The following CDH7 variants were observed in gnomAD, a reference collection of about 807,000 sequenced individuals.
CDH7 encodes the protein cadherin-7.
In CDH7, 25 loss-of-function variants were observed where a neutral mutation model predicts 71.8. That is an observed-to-expected ratio of 0.35 (90% CI 0.25 to 0.49). CDH7 has a LOEUF of 0.49. Ranked by LOEUF, CDH7 falls within the 20% of genes least tolerant of loss-of-function variation. CDH7 has a pLI of 0.99. For synonymous variants in CDH7, 381 were observed against 363.8 expected (o/e 1.05, Z -0.54); for missense variants, 862 against 974.6 (o/e 0.88, Z 1.54).
At chr18:65,763,209 A>G (rs1253884346) in intron 2 of CDH7, among the ~76,000 whole-genome samples, 157 bp downstream of exon 2, 3 of 152,364 alleles carry the variant, frequency 2.0e-5, no homozygotes, top group East Asian at 3.9e-4. Context: ...GTTTTTGGCG[A>G]TAGCCACTGC....
intron 7 of CDH7, among the ~76,000 whole-genome samples, chr18:65,851,099 C>G (rs201664484): frequency 1.8e-4 from 28 of 151,992 alleles, no homozygotes; most frequent in Non-Finnish European, 3.2e-4. Context: ...CCACAGTGCC[C>G]GGCCTCAATA....
intron 6 of CDH7, among the ~76,000 whole-genome samples, chr18:65,828,785 C>T (rs1490703443): frequency 1.3e-5 from 2 of 152,024 alleles, no homozygotes; most frequent in Non-Finnish European, 2.9e-5. Context: ...TTTATTAATT[C>T]ATTGAAATAT....
intron 2 of CDH7, among the ~76,000 whole-genome samples, chr18:65,776,586 C>T (rs1366401173): frequency 6.6e-6 from 1 of 152,038 alleles, no homozygotes; most frequent in African/African-American, 2.4e-5. Flanking sequence ...AATGAGATTG[C>T]TTGTTAATCT....
chr18:65,784,844 T>G (rs1910454354), intron 2 of CDH7, among the ~76,000 whole-genome samples: 1 of 152,204 alleles, frequency 6.6e-6, no homozygotes, highest in Non-Finnish European at 1.5e-5. Flanking sequence ...TTTCATTCCC[T>G]CCTATTACGA....
rs914169170 is a variant in CDH7 at position 65,883,972 on chromosome 18, A to G, written c.*3078A>G. 2.6e-5 allele frequency: 4 copies of G among 152,114 alleles called. No homozygotes were observed. Among genetic ancestry groups the G allele is most frequent in the African/African-American group, 9.6e-5 (4 of 41,454 alleles). The allele number at this position is 152,114 out of a possible 1,614,324, so 9.4% of individuals were successfully genotyped here. On this transcript the variant is annotated 3_prime_UTR_variant, in exon 12 of 12. Coordinates refer to ENST00000397968, the MANE Select transcript of CDH7 (RefSeq NM_004361.5). ...AGAGATAATAGTTCAGGAAGTCAAT[A>G]TATTTAATTATTTTCCACTTGTCCA...
rs1467774876 is a variant in CDH7, at chr18:65,824,652, C to G, written c.802C>G (p.Gln268Glu). Residue 268 changes from glutamine (Q) to glutamate (E), a missense_variant, in exon 6 of 12, where the codon CAA becomes GAA. Gln to Glu is a conservative substitution (Grantham distance 29). Coordinates refer to ENST00000397968, the MANE Select transcript of CDH7 (RefSeq NM_004361.5). ...NPPRFPRRSY[Q>E]YNVPESLPVA... ...TGCTTTGAATTTCACAGGGTCTTAT[C>G]AATATAACGTCCCAGAGTCATTACC... 2.5e-6 allele frequency: 4 copies of G among 1,569,290 alleles called. No homozygotes were observed. Among genetic ancestry groups the G allele is most frequent in the Non-Finnish European group, 3.5e-6 (4 of 1,156,218 alleles).
intron 11 of CDH7, chr18:65,865,760 A>G (rs923305892): frequency 2.0e-5 from 3 of 152,184 alleles, no homozygotes; most frequent in African/African-American, 7.2e-5. Context: ...GCTGAAGCCA[A>G]TGAGATTAAG....
chr18:65,841,590 T>C (rs1356482439), intron 6 of CDH7, among the ~76,000 whole-genome samples: 1 of 152,184 alleles, frequency 6.6e-6, no homozygotes, highest in African/African-American at 2.4e-5. Context: ...GAGTATGTTT[T>C]GGTTTCTCAG....
Position 65,862,830 on chromosome 18 carries a change from A to G in CDH7, c.1777A>G (p.Thr593Ala), listed in dbSNP as rs768660131. 6 of 1,614,026 alleles carry G rather than the reference A, an allele frequency of 3.7e-6. No homozygotes were observed. Among genetic ancestry groups the G allele is most frequent in the Middle Eastern group, 1.6e-4 (1 of 6,084 alleles). The change falls in exon 11 of 12, where the codon ACC becomes GCC. Residue 593 changes from threonine to alanine, a missense_variant. Thr to Ala is a moderately conservative substitution (Grantham distance 58). Coordinates refer to ENST00000397968, the MANE Select transcript of CDH7 (RefSeq NM_004361.5). Reference protein sequence around the residue: ...CDCDADGVAQTCNAEAYVLPA... With the variant: ...CDCDADGVAQACNAEAYVLPA... ...CTGTGATGCTGACGGCGTAGCCCAG[A>G]CCTGCAATGCAGAGGCCTATGTCCT...
At chr18:65,825,560 A>G (rs1423652511) in intron 6 of CDH7, among the ~76,000 whole-genome samples, 1 of 151,902 alleles carries the variant, frequency 6.6e-6, no homozygotes, top group Non-Finnish European at 1.5e-5. Context: ...ATTTCAAAAC[A>G]TAGTCTTAGT....
chr18:65,787,369 G>A (rs1168897785), intron 2 of CDH7, among the ~76,000 whole-genome samples: 2 of 152,052 alleles, frequency 1.3e-5, no homozygotes, highest in Non-Finnish European at 2.9e-5. Context: ...TCCTGCTAGT[G>A]GAAATGATTT....
chr18:65,760,957 T>C (rs2143783645), intron 1 of CDH7, among the ~76,000 whole-genome samples: 1 of 152,270 alleles, frequency 6.6e-6, no homozygotes, highest in East Asian at 1.9e-4. Context: ...GGGCCTACAT[T>C]GGAACATCAA....
At chr18:65,780,404 C>G (rs1048387429) in intron 2 of CDH7, among the ~76,000 whole-genome samples, 7 of 130,058 alleles carry the variant, frequency 5.4e-5, no homozygotes, top group African/African-American at 1.6e-4. Context: ...AATGGTAATG[C>G]CTAGGTTTTC....
Position 65,880,531 on chromosome 18 carries a change from G to T in CDH7, c.1995G>T (p.Ala665=). 1 of 1,613,716 alleles carries T rather than the reference G, an allele frequency of 6.2e-7. No homozygotes were observed. The highest frequency in any genetic ancestry group is 1.1e-5 in the South Asian group (1 of 91,038). Residue 665 remains alanine, a synonymous_variant, in exon 12 of 12, where the codon GCG becomes GCT. Coordinates refer to ENST00000397968, the MANE Select transcript of CDH7 (RefSeq NM_004361.5). ...DEGGGEEDTE[A]FDMAALRNLN... is the part of the protein sequence containing the mutation. ...GCGGGGGAGAGGAGGACACGGAAGC[G>T]TTTGACATGGCTGCACTGAGAAACC...
At chr18:65,847,198 AG>A (rs1164091106) in intron 7 of CDH7, among the ~76,000 whole-genome samples, 5 of 152,212 alleles carry the variant, frequency 3.3e-5, no homozygotes, top group Non-Finnish European at 1.5e-5. Context: ...CTGAGGTACT[AG>A]GAAAAGTGAA....
intron 7 of CDH7, among the ~76,000 whole-genome samples, chr18:65,851,198 A>G: frequency 6.6e-6 from 1 of 152,194 alleles, no homozygotes; most frequent in East Asian, 1.9e-4. Flanking sequence ...CCAGCCACAC[A>G]GTTAGCAAAT....
intron 6 of CDH7, among the ~76,000 whole-genome samples, chr18:65,830,545 C>T (rs1912302194): frequency 6.6e-6 from 1 of 150,808 alleles, no homozygotes; most frequent in African/African-American, 2.4e-5. Flanking sequence ...TTCCTCCCTT[C>T]CTTCCTTCTT....
At chr18:65,782,107 CTTCTTTCTTTCT>C (rs745442687) in intron 2 of CDH7, among the ~76,000 whole-genome samples, 764 of 25,220 alleles carry the variant, frequency 0.03, 59 homozygotes, top group Middle Eastern at 0.05. Flanking sequence ...TCCTTCCTTC[CTTCTTTCTTTCT>C]TTCTTTCTTT....
chr18:65,776,760 G>C (rs1909962971), intron 2 of CDH7, among the ~76,000 whole-genome samples: 1 of 152,076 alleles, frequency 6.6e-6, no homozygotes, highest in African/African-American at 2.4e-5. Flanking sequence ...TCTAAATTCA[G>C]AATGTGAGGT....
Sources: gnomAD v4.1 joint callset for allele counts (sites outside exome capture counted in the v4.1 genomes callset) on GRCh38, gnomAD v4.1.1 for gene constraint, MANE v1.5 for transcripts, NCBI Gene and HGNC (gene_info 2026-07-23, HGNC 2026-07-21) for gene names.